The following RYR1 variants were observed in gnomAD, a reference collection of about 807,000 sequenced individuals.
RYR1 encodes the protein central core disease of muscle.
RYR1 carries 342 observed loss-of-function variants against 583.5 expected under a neutral mutation model. The observed-to-expected ratio is 0.59, with a 90% CI of 0.54 to 0.64. The LOEUF is 0.64. Among genes scored for constraint, RYR1 ranks in the 30% least tolerant of loss-of-function variants. The pLI is 0.00. For missense variants in RYR1, 6,032 were observed against 6,917.2 expected (o/e 0.87, Z 4.54); for synonymous variants, 2,791 against 2,822.5 (o/e 0.99, Z 0.35).
At position 38,496,847 on chromosome 19, in the gene RYR1, C is replaced by T; in HGVS notation, c.6797-13C>T. On this transcript the variant is annotated splice_polypyrimidine_tract_variant and intron_variant, in intron 41 of 105. Transcript: ENST00000359596. This position sits in a 1 kb window ranked among gnomAD's most constrained non-coding sequence, Gnocchi z 4.8. ...CAGGAGTGAGATGTTCTCCCCACCTCTCGCCCCTGCAGGCATGCAGGGCTC... is the reference window on the plus strand; with the variant it reads ...CAGGAGTGAGATGTTCTCCCCACCTTTCGCCCCTGCAGGCATGCAGGGCTC... The T allele has an allele frequency of 1.2e-6, 2 of 1,611,274 alleles. No homozygotes were observed. The highest frequency in any genetic ancestry group is 2.2e-5 in the East Asian group (1 of 44,868).
intron 1 of RYR1, among the ~76,000 whole-genome samples, chr19:38,435,647 G>C (rs1402870486): frequency 6.6e-6 from 1 of 152,012 alleles, no homozygotes; most frequent in Non-Finnish European, 1.5e-5. Flanking sequence ...GAAGTGGGAG[G>C]ATTGCTTGAA....
intron 57 of RYR1, 62 bp from the exon 58 acceptor site, chr19:38,507,650 G>A (rs1970533668): frequency 2.8e-6 from 3 of 1,076,328 alleles, no homozygotes. Context: ...GCGGACCTGA[G>A]AAGGGTGGGA....
intron 76 of RYR1, among the ~76,000 whole-genome samples, chr19:38,530,955 A>G (rs1177068315): frequency 6.7e-6 from 1 of 148,364 alleles, no homozygotes; most frequent in East Asian, 2.0e-4. Flanking sequence ...GGTGCATGCC[A>G]CCATGCCCAG....
At position 38,439,569 on chromosome 19, in the gene RYR1, C is replaced by T. The variant is rs1037561540; in HGVS notation, c.46-1176C>T. On this transcript the variant is annotated intron_variant, in intron 1 of 105. Transcript: ENST00000359596. ...TCACCCAGGCTGGAGTGCAATGGCTCGATCTCAGCTCCCTGCAACCTCTGC... is the reference window on the plus strand; with the variant it reads ...TCACCCAGGCTGGAGTGCAATGGCTTGATCTCAGCTCCCTGCAACCTCTGC... 3.7e-4 allele frequency among the ~76,000 whole-genome samples: 57 copies of T among 152,120 alleles called. 1 individual carries two copies. Among genetic ancestry groups the T allele is most frequent in the Non-Finnish European group, 1.3e-4 (9 of 68,022 alleles).
chr19:38,586,954 G>A (rs1974518386), intron 105 of RYR1, among the ~76,000 whole-genome samples: 1 of 150,696 alleles, frequency 6.6e-6, no homozygotes, highest in Non-Finnish European at 1.5e-5. Context: ...CTAGGTGACA[G>A]AGCGATACTC....
intron 48 of RYR1, 58 bp downstream of exon 48, chr19:38,502,785 G>GCAGGGGCAGGGA: frequency 4.5e-6 from 4 of 880,052 alleles, no homozygotes; most frequent in Non-Finnish European, 3.2e-6. Context: ...AGGGGCAGGG[G>GCAGGGGCAGGGA]CAGGGGCAGG....
chr19:38,506,340 C>A lies in RYR1; in HGVS notation c.8579C>A (p.Pro2860His). The change falls in exon 55 of 106, where the codon CCC (proline) becomes CAC (histidine). Residue 2860 changes from proline to histidine, a missense_variant. Transcript: ENST00000359596. ...DPREGYNPQP[P>H]DLSAVTLSRE... ...CGAGAAGGCTACAACCCTCAGCCCC[C>A]CGACCTTAGTGCTGTTACCCTGTCC... is the stretch of plus-strand genomic sequence containing the variant. 1 of 1,613,802 alleles carries A rather than the reference C, an allele frequency of 6.2e-7. No homozygotes were observed. The highest frequency in any genetic ancestry group is 8.5e-7 in the Non-Finnish European group (1 of 1,179,868).
chr19:38,451,914 G>A, intron 12 of RYR1, 29 bp downstream of exon 12: 5 of 1,613,892 alleles, frequency 3.1e-6, no homozygotes, highest in Non-Finnish European at 4.2e-6. Context: ...CTGCTGGGGT[G>A]ACTCCTGTGC....
intron 18 of RYR1, 140 bp from the exon 19 acceptor site, chr19:38,459,006 G>A (rs1967583787): frequency 4.0e-6 from 3 of 751,272 alleles, no homozygotes; most frequent in Admixed American, 4.0e-5. Context: ...AGAGCTACGG[G>A]AGCATCCAAG....
At chr19:38,463,909 G>C in intron 22 of RYR1, 59 bp downstream of exon 22, 5 of 1,265,938 alleles carry the variant, frequency 3.9e-6, no homozygotes, top group Non-Finnish European at 5.8e-6. Flanking sequence ...GGGGAGGGAG[G>C]CATGGAGAGA....
chr19:38,582,521 C>T (rs1162563218), intron 101 of RYR1, among the ~76,000 whole-genome samples: 1 of 152,108 alleles, frequency 6.6e-6, no homozygotes, highest in African/African-American at 2.4e-5. Flanking sequence ...CGCAGTGACT[C>T]ACGCCTGTAA....
At chr19:38,527,558 T>C in intron 72 of RYR1, 89 bp from the exon 73 acceptor site, 3 of 1,545,274 alleles carry the variant, frequency 1.9e-6, no homozygotes, top group South Asian at 1.2e-5. Flanking sequence ...CACTCACCCA[T>C]TGAGTCCTCC....
Position 38,440,852 on chromosome 19 carries a change from T to G in RYR1, c.153T>G (p.Thr51=), listed in dbSNP as rs751118259. 1 of 1,611,954 alleles carries G rather than the reference T, an allele frequency of 6.2e-7. No homozygotes were observed. Among genetic ancestry groups the G allele is most frequent in the African/African-American group, 1.3e-5 (1 of 74,998 alleles). The change falls in exon 2 of 106, where the codon ACT becomes ACG. Residue 51 remains threonine (T), a synonymous_variant. Transcript: ENST00000359596. ...ACCGCCTGTGCTTCCTGGAGCCCAC[T>G]AGCAACGCGCAGGTCTGTGCAGGAG... ...FGNRLCFLEP[T]SNAQNVPPDL...
At chr19:38,564,027 G>A (rs922749256) in intron 90 of RYR1, among the ~76,000 whole-genome samples, 11 of 152,238 alleles carry the variant, frequency 7.2e-5, no homozygotes, top group African/African-American at 2.7e-4. Flanking sequence ...ATTTACAGGA[G>A]TACCCACAGT....
At chr19:38,553,071 G>A (rs988194459) in intron 89 of RYR1, among the ~76,000 whole-genome samples, 23 of 152,154 alleles carry the variant, frequency 1.5e-4, no homozygotes, top group East Asian at 9.7e-4. Context: ...AGTGGCTCAC[G>A]CCTGTAATCT....
At position 38,478,417 on chromosome 19, in the gene RYR1, C is replaced by T. The variant is rs377296493; in HGVS notation, c.4455-18C>T. The T allele has an allele frequency of 7.9e-5, 127 of 1,611,696 alleles. 1 individual carries two copies. Among genetic ancestry groups the T allele is most frequent in the South Asian group, 6.4e-4 (58 of 90,998 alleles). Reference sequence around the variant, plus strand: ...CTACTCACATGAGGAGTGCAGTGACCGCTTCTGTCTCCTGCAGCCTCAAGT... The same window carrying T: ...CTACTCACATGAGGAGTGCAGTGACTGCTTCTGTCTCCTGCAGCCTCAAGT... On this transcript the variant is annotated intron_variant, in intron 30 of 105. Transcript: ENST00000359596.
In RYR1 at chr19:38,489,300, G is replaced by C; in HGVS notation, c.5671G>C (p.Glu1891Gln). The C allele has an allele frequency of 6.2e-7, 1 of 1,603,488 alleles. No individual in the cohort carries two copies. The change falls in exon 35 of 106, where the codon GAG becomes CAG. Residue 1891 changes from glutamate (E) to glutamine (Q), a missense_variant. By Grantham distance (29) the Glu-to-Gln change is conservative. Transcript: ENST00000359596. ...EEEGEEEDEEEKEEDEEETAQ... is the reference protein window; with the variant it reads ...EEEGEEEDEEQKEEDEEETAQ... ...AGAGGGTGAAGAGGAAGATGAGGAG[G>C]AGAAGGAGGAGGATGAGGAGGAAAC...
At chr19:38,533,441 A>G (rs1036749569) in intron 78 of RYR1, among the ~76,000 whole-genome samples, 3 of 152,208 alleles carry the variant, frequency 2.0e-5, no homozygotes, top group Admixed American at 2.0e-4. Context: ...ATAGCTATCA[A>G]AATATTTTAA....
At chr19:38,560,957 A>T (rs1299467284) in intron 89 of RYR1, among the ~76,000 whole-genome samples, 156 bp from the exon 90 acceptor site, 2 of 146,840 alleles carry the variant, frequency 1.4e-5, no homozygotes, top group East Asian at 4.2e-4. Context: ...GGGGATGGGG[A>T]CGAGAGGGGA....
Sources: allele counts gnomAD v4.1 joint callset (sites outside exome capture counted in the v4.1 genomes callset), GRCh38; gene constraint gnomAD v4.1.1; non-coding constraint Gnocchi (gnomAD v3.1); transcripts MANE v1.5; gene names NCBI Gene and HGNC (gene_info 2026-07-23, HGNC 2026-07-21).